Variants in OR13C3 observed in about 807,000 individuals in gnomAD.
The protein encoded by OR13C3 is olfactory receptor family 13 subfamily C member 3.
In OR13C3, 19 loss-of-function variants were observed where a neutral mutation model predicts 14.4. That is an observed-to-expected ratio of 1.31 (90% CI 0.92 to 1.93). The LOEUF (loss-of-function observed/expected upper bound fraction) is 1.93, where lower values mean the gene tolerates loss of function less well. OR13C3 is among the 30% of genes most tolerant of loss of function. The pLI is 0.00. For synonymous variants in OR13C3, 140 were observed against 142.5 expected, an observed-to-expected ratio of 0.98 and a Z score of 0.12; for missense variants, 394 against 381.4, an observed-to-expected ratio of 1.03 and a Z score of -0.27.
rs375952699 is a variant in OR13C3 at position 104,536,737 on chromosome 9, A to G, written c.-14T>C. On this transcript the variant is annotated 5_prime_UTR_variant, in exon 1 of 1. It removes the in-frame stop codon of an upstream open reading frame in the 5' UTR. Coordinates refer to ENST00000641090, the Ensembl canonical transcript of OR13C3. ...AATCTCACCCATGTCATCTGCTTTC[A>G]GGAAATCAAAAGAAGATCTAACATG... 3.8e-5 allele frequency: 62 copies of G among 1,613,722 alleles called. No homozygotes were observed. Among genetic ancestry groups the G allele is most frequent in the Non-Finnish European group, 5.1e-5 (60 of 1,179,782 alleles).
rs775125462 is a variant in OR13C3 at position 104,536,151 on chromosome 9, A to G, written c.573T>C (p.Asp191=). 1.9e-5 allele frequency: 31 copies of G among 1,613,960 alleles called. No individual in the cohort carries two copies. The South Asian group carries it at 2.7e-4, about 14-fold the overall frequency. ...CCATGGTGATAATATTGAGGGATAT[A>G]TCAGCACAGGCCAGCTTGAGGACAG... The change falls in exon 1 of 1, where the codon GAT becomes GAC. Residue 191 remains aspartate, a synonymous_variant. Coordinates refer to ENST00000641090, the Ensembl canonical transcript of OR13C3.
In OR13C3 at chr9:104,535,850, T is replaced by C. The variant is rs1263729431; in HGVS notation, c.874A>G (p.Asn292Asp). 5 of 1,613,432 alleles carry C rather than the reference T, an allele frequency of 3.1e-6. No homozygotes were observed. The Admixed American group carries it at 5.0e-5, about 16-fold the overall frequency. The stretch of plus-strand genomic sequence containing the variant: ...TTTCTCAAGCTATAGAGTATAGGAT[T>C]CAGCATGGGTGTCACTACCCCATAA... Residue 292 changes from asparagine (N) to aspartate (D), a missense_variant, in exon 1 of 1, where the codon AAT becomes GAT. Coordinates refer to ENST00000641090, the Ensembl canonical transcript of OR13C3.
exon 1 of OR13C3, chr9:104,536,644 T>C (rs1828822418): frequency 6.2e-7 from 1 of 1,614,054 alleles, no homozygotes; most frequent in African/African-American, 1.3e-5. Flanking sequence ...GAGAGCAAAG[T>C]AAACAATCTC....
exon 1 of OR13C3, chr9:104,536,586 G>T (rs779725505): frequency 6.2e-7 from 1 of 1,614,060 alleles, no homozygotes; most frequent in Admixed American, 1.7e-5. Context: ...TGCTGGCTAT[G>T]ATTAGAACAC....
exon 1 of OR13C3, chr9:104,536,746 A>C: frequency 6.2e-7 from 1 of 1,613,906 alleles, no homozygotes; most frequent in Non-Finnish European, 8.5e-7. Context: ...CAGGAAATCA[A>C]AAGAAGATCT....
chr9:104,536,749 G>T, exon 1 of OR13C3: 1 of 1,613,824 alleles, frequency 6.2e-7, no homozygotes, highest in South Asian at 1.1e-5. Context: ...GAAATCAAAA[G>T]AAGATCTAAC....
exon 1 of OR13C3, chr9:104,536,705 T>C: frequency 6.2e-7 from 1 of 1,613,888 alleles, no homozygotes; most frequent in Admixed American, 1.7e-5. Context: ...GACACAAGTG[T>C]CTGGTTAATC....
At chr9:104,536,160 G>A (rs764088783) in exon 1 of OR13C3, 1 of 1,614,016 alleles carries the variant, frequency 6.2e-7, no homozygotes, top group South Asian at 1.1e-5. Flanking sequence ...TATCAGCACA[G>A]GCCAGCTTGA....
exon 1 of OR13C3, chr9:104,536,423 T>A: frequency 6.2e-7 from 1 of 1,614,100 alleles, no homozygotes; most frequent in Non-Finnish European, 8.5e-7. Context: ...CCAAAGAACA[T>A]CTGCACTGCA....
In OR13C3 at chr9:104,535,768, C is replaced by T. The variant is rs774561233; in HGVS notation, c.*2G>A. Reference sequence around the variant, plus strand: ...AACAAAGACCTACATGTCCTGGTTTCATTAGTGAATTGGTTTTTTGTTCAG... The same window carrying T: ...AACAAAGACCTACATGTCCTGGTTTTATTAGTGAATTGGTTTTTTGTTCAG... On this transcript the variant is annotated 3_prime_UTR_variant, in exon 1 of 1. Coordinates refer to ENST00000641090, the Ensembl canonical transcript of OR13C3. 3.8e-6 allele frequency: 6 copies of T among 1,586,726 alleles called. No homozygotes were observed. The South Asian group carries it at 4.4e-5, about 12-fold the overall frequency.
exon 1 of OR13C3, chr9:104,536,054 T>G (rs1025720076): frequency 2.2e-5 from 35 of 1,613,858 alleles, no homozygotes; most frequent in Non-Finnish European, 2.6e-5. Context: ...TGCAAGATGG[T>G]GTAGAGGATG....
exon 1 of OR13C3, chr9:104,535,769 A>T (rs759758016): frequency 1.3e-6 from 2 of 1,588,604 alleles, no homozygotes; most frequent in Non-Finnish European, 1.7e-6. Context: ...TCCTGGTTTC[A>T]TTAGTGAATT....
At chr9:104,536,440 G>A in exon 1 of OR13C3, 1 of 1,614,182 alleles carries the variant, frequency 6.2e-7, no homozygotes, top group Non-Finnish European at 8.5e-7. Context: ...TGCACATCCA[G>A]AGAAGGAAAT....
chr9:104,536,113 A>G lies in OR13C3; in HGVS notation c.611T>C (p.Met204Thr), dbSNP rs1320097898. Residue 204 changes from methionine to threonine, a missense_variant, in exon 1 of 1, where the codon ATG becomes ACG. Met to Thr is a moderately conservative substitution (Grantham distance 81). Transcript: ENST00000641090. ...CATCAGTGGAAGAACCAGGAAGGCC[A>G]TATTTGATATCACCATGGTGATAAT... 3 of 1,613,518 alleles carry G rather than the reference A, an allele frequency of 1.9e-6. No individual in the cohort carries two copies. In the East Asian group the frequency reaches 6.7e-5, roughly 36 times the overall value.
chr9:104,536,020 C>T lies in OR13C3; in HGVS notation c.704G>A (p.Arg235His), dbSNP rs375831267. The T allele has an allele frequency of 7.4e-6, 12 of 1,613,954 alleles. No individual in the cohort carries two copies. The highest frequency in any genetic ancestry group is 4.5e-5 in the East Asian group (2 of 44,880). The stretch of plus-strand genomic sequence containing the variant: ...AGCTGAGCACGTGGAAAATGCCTTG[C>T]GTCTTCCTGTGGCTGAATTCATTTG... Residue 235 changes from arginine (R) to histidine (H), a missense_variant, in exon 1 of 1, where the codon CGC (arginine) becomes CAC (histidine). Physicochemically the swap from Arg to His is conservative, Grantham distance 29. Transcript: ENST00000641090.
chr9:104,536,842 T>C lies in OR13C3; in HGVS notation c.-119A>G, dbSNP rs1400024521. On this transcript the variant is annotated 5_prime_UTR_variant, in exon 1 of 1. Transcript: ENST00000641090. The stretch of plus-strand genomic sequence containing the variant: ...TTTGACACATATTAGAAGGAGTGCT[T>C]GCTTGAAGTTCTGACATCCAGTTAT... 5 of 1,515,756 alleles carry C rather than the reference T, an allele frequency of 3.3e-6. No individual in the cohort carries two copies. The Admixed American group carries it at 8.9e-5, about 27-fold the overall frequency. 93.9% of individuals were successfully genotyped at this position (1,515,756 alleles called of 1,614,324 possible). A position where few individuals can be genotyped will look rare whatever the true frequency, so the allele number is the denominator to read the frequency against.
chr9:104,536,466 G>T, exon 1 of OR13C3: 4 of 1,614,172 alleles, frequency 2.5e-6, no homozygotes, highest in Non-Finnish European at 3.4e-6. Flanking sequence ...TTTTCTTTGA[G>T]ATTAAGCTCA....
rs775640139 is a variant in OR13C3, at chr9:104,535,971, AAATATGATCAC to A, written c.742_752del (p.Val248LeufsTer46). ...CATACATAAAGAAGATGGTACCGTAAAATATGATCACCACAGTCAGGTGAGCTGAGCACGTG... is the reference window on the plus strand; with the variant it reads ...CATACATAAAGAAGATGGTACCGTAACACAGTCAGGTGAGCTGAGCACGTG... On this transcript the variant is annotated frameshift_variant, in exon 1 of 1. Coordinates refer to ENST00000641090, the Ensembl canonical transcript of OR13C3. LOFTEE classifies it high-confidence loss of function. 126 of 1,614,144 alleles carry A rather than the reference AAATATGATCAC, an allele frequency of 7.8e-5. 2 individuals carry two copies. The East Asian group carries it at 2.7e-3, about 35-fold the overall frequency.
exon 1 of OR13C3, chr9:104,535,973 A>G: frequency 6.2e-7 from 1 of 1,613,888 alleles, no homozygotes; most frequent in Non-Finnish European, 8.5e-7. Flanking sequence ...GTACCGTAAA[A>G]TATGATCACC....
Sources: gnomAD v4.1 joint callset for allele counts on GRCh38, gnomAD v4.1.1 for gene constraint, MANE v1.5 for transcripts, NCBI Gene and HGNC (gene_info 2026-07-23, HGNC 2026-07-21) for gene names.